ITGA8: variants seen among roughly 807,000 people sequenced by gnomAD.
The protein encoded by ITGA8 is integrin subunit alpha 8, also known as integrin alpha-8.
A neutral mutation model predicts 142.3 loss-of-function variants in ITGA8; 91 were observed. The observed-to-expected ratio is 0.64, with a 90% confidence interval of 0.54 to 0.76. The LOEUF (loss-of-function observed/expected upper bound fraction) is 0.76. ITGA8 is among the 30% of genes least tolerant of loss of function. The pLI is 0.00. For missense variants in ITGA8, 1,406 were observed against 1,327.7 expected (o/e 1.06, Z -0.92); for synonymous variants, 505 against 485.2 (o/e 1.04, Z -0.54).
At chr10:15,666,023 C>A (rs1406563373) in intron 8 of ITGA8, among the ~76,000 whole-genome samples, 1 of 152,192 alleles carries the variant, frequency 6.6e-6, no homozygotes, top group Non-Finnish European at 1.5e-5. Context: ...TCCATACGAA[C>A]TTTAAAGTAG....
rs1016366556 is a variant in ITGA8 at position 15,684,003 on chromosome 10, C to T, written c.568+1G>A. On this transcript the variant is annotated splice_donor_variant, in intron 4 of 29. Transcript: ENST00000378076. LOFTEE classifies it high-confidence loss of function. ...AGTTTCAAGGAATAAAAGTTGCTTA[C>T]TGTTCCGGCAAGGAGAGAACTCGGC... 2 of 1,614,012 alleles carry T rather than the reference C, an allele frequency of 1.2e-6. No homozygotes were observed. Among genetic ancestry groups the T allele is most frequent in the Non-Finnish European group, 1.7e-6 (2 of 1,179,968 alleles).
At chr10:15,647,096 G>C in intron 11 of ITGA8, 45 bp from the exon 12 acceptor site, 2 of 1,450,544 alleles carry the variant, frequency 1.4e-6, no homozygotes, top group Non-Finnish European at 1.9e-6. Flanking sequence ...GCAGAGAGTA[G>C]AGTCACTTTG....
intron 25 of ITGA8, among the ~76,000 whole-genome samples, chr10:15,566,839 G>A (rs1424925433): frequency 3.4e-5 from 3 of 87,826 alleles, no homozygotes; most frequent in Non-Finnish European, 6.7e-5. Flanking sequence ...GAGGCCGGGT[G>A]CAGTGGCTCA....
chr10:15,646,137 C>A (rs1833977737), intron 12 of ITGA8, among the ~76,000 whole-genome samples: 1 of 152,174 alleles, frequency 6.6e-6, no homozygotes, highest in African/African-American at 2.4e-5. Context: ...CTACTGAGAG[C>A]TATTACAGGA....
chr10:15,696,616 GAA>G (rs1386552390), intron 2 of ITGA8, among the ~76,000 whole-genome samples: 2 of 152,084 alleles, frequency 1.3e-5, no homozygotes, highest in East Asian at 3.9e-4. Context: ...ATTTCATGCT[GAA>G]GTTTGGAACA....
At chr10:15,539,802 A>C (rs531295149) in intron 27 of ITGA8, among the ~76,000 whole-genome samples, 1 of 152,172 alleles carries the variant, frequency 6.6e-6, no homozygotes, top group African/African-American at 2.4e-5. Context: ...TGGGAACATT[A>C]CTGATATGAT....
chr10:15,662,467 C>T (rs1417661), intron 8 of ITGA8, among the ~76,000 whole-genome samples: 140,247 of 151,442 alleles, frequency 0.93, 65,735 homozygotes, highest in Non-Finnish European at 1. Flanking sequence ...GCTTCCTGAA[C>T]AGCTGGGACC....
intron 13 of ITGA8, among the ~76,000 whole-genome samples, chr10:15,628,575 G>T (rs1001822204): frequency 8.6e-5 from 13 of 151,620 alleles, no homozygotes; most frequent in Non-Finnish European, 1.2e-4. Flanking sequence ...CTCATGATCT[G>T]CTCGCCTTGG....
In ITGA8 at chr10:15,570,414, C is replaced by T. The variant is rs532233010; in HGVS notation, c.2637+1797G>A. ...CCTGAGGTCAGGAGTTCGAGACCAGCCTGGCTAACATGGTGAAACCCCGTT... is the reference window on the plus strand; with the variant it reads ...CCTGAGGTCAGGAGTTCGAGACCAGTCTGGCTAACATGGTGAAACCCCGTT... On this transcript the variant is annotated intron_variant, in intron 25 of 29. Coordinates refer to ENST00000378076, the MANE Select transcript of ITGA8 (RefSeq NM_003638.3). 7.8e-4 allele frequency among the ~76,000 whole-genome samples: 118 copies of T among 151,804 alleles called. 1 individual carries two copies. The highest frequency in any genetic ancestry group is 3.1e-4 in the Non-Finnish European group (21 of 67,970).
At chr10:15,691,134 CTGT>C (rs1263719342) in intron 2 of ITGA8, among the ~76,000 whole-genome samples, 2 of 152,106 alleles carry the variant, frequency 1.3e-5, no homozygotes, top group Admixed American at 1.3e-4. Context: ...AATTAAACCT[CTGT>C]AAGACATCAC....
At chr10:15,517,606 G>C (rs753821919) in intron 29 of ITGA8, among the ~76,000 whole-genome samples, 10 of 152,236 alleles carry the variant, frequency 6.6e-5, no homozygotes, top group Non-Finnish European at 1.5e-4. Context: ...TTACAGGCGT[G>C]AGCCACCACA....
chr10:15,599,861 C>T lies in ITGA8; in HGVS notation c.2119-2562G>A, dbSNP rs577528139. Among the ~76,000 whole-genome samples, 4 of 152,174 alleles carry T rather than the reference C, an allele frequency of 2.6e-5. No individual in the cohort carries two copies. In the South Asian group the frequency reaches 8.3e-4, roughly 32 times the overall value. ...GCTTGAACCTGGGAGACAGAGGTTG[C>T]AGTGAGCTGAGATCGCGCCATTGCA... On this transcript the variant is annotated intron_variant, in intron 20 of 29. Transcript: ENST00000378076.
At chr10:15,538,527 A>AAAAAAAAC (rs1833500508) in intron 27 of ITGA8, among the ~76,000 whole-genome samples, 1 of 149,380 alleles carries the variant, frequency 6.7e-6, no homozygotes, top group African/African-American at 2.5e-5. Flanking sequence ...AAAAAAAAAA[A>AAAAAAAAC]AAAACTATAG....
At position 15,561,650 on chromosome 10, in the gene ITGA8, C is replaced by T. The variant is rs112922520; in HGVS notation, c.2638-3448G>A. Among the ~76,000 whole-genome samples, 15 of 152,058 alleles carry T rather than the reference C, an allele frequency of 9.9e-5. No homozygotes were observed. In the East Asian group the frequency reaches 1.5e-3, roughly 16 times the overall value. ...AGGAGAGAGGAAGAAGTTGAAGATA[C>T]GGGAAATGGAGATACTTGATGTACC... On this transcript the variant is annotated intron_variant, in intron 25 of 29. Coordinates refer to ENST00000378076, the MANE Select transcript of ITGA8 (RefSeq NM_003638.3).
intron 2 of ITGA8, among the ~76,000 whole-genome samples, chr10:15,691,770 G>T (rs72781822): frequency 0.11 from 16,481 of 152,104 alleles, 950 homozygotes; most frequent in East Asian, 0.19. Flanking sequence ...AAATTATGGA[G>T]ATTTATTGTA....
chr10:15,616,596 C>T (rs147653542), intron 13 of ITGA8, 37 bp from the exon 14 acceptor site: 31 of 1,572,212 alleles, frequency 2.0e-5, no homozygotes, highest in South Asian at 3.3e-5. Flanking sequence ...ATGCGTGAAT[C>T]GTATAGAAAC....
At chr10:15,534,429 C>T (rs1224643326) in intron 27 of ITGA8, among the ~76,000 whole-genome samples, 1 of 152,208 alleles carries the variant, frequency 6.6e-6, no homozygotes, top group Non-Finnish European at 1.5e-5. Context: ...AATATAATGT[C>T]TATATCTTCT....
chr10:15,623,942 C>T (rs991399899), intron 13 of ITGA8, among the ~76,000 whole-genome samples: 1 of 152,150 alleles, frequency 6.6e-6, no homozygotes, highest in Non-Finnish European at 1.5e-5. Context: ...GCCATACAGC[C>T]TTTTGGGTCT....
intron 13 of ITGA8, 133 bp downstream of exon 13, chr10:15,643,896 TA>T: frequency 1.4e-6 from 1 of 695,358 alleles, no homozygotes; most frequent in Non-Finnish European, 2.3e-6. Context: ...AATCGTACAT[TA>T]AAAAAGCCTG....
Sources: allele counts gnomAD v4.1 joint callset (sites outside exome capture counted in the v4.1 genomes callset), GRCh38; gene constraint gnomAD v4.1.1; transcripts MANE v1.5; gene names NCBI Gene and HGNC (gene_info 2026-07-23, HGNC 2026-07-21).